Variants in DNAH8 observed in about 807,000 individuals in gnomAD.
The protein encoded by DNAH8 is axonemal beta dynein heavy chain 8.
DNAH8 carries 382 observed loss-of-function variants against 562.1 expected under a neutral mutation model. The observed-to-expected ratio is 0.68, with a 90% CI of 0.63 to 0.74. DNAH8 has a LOEUF of 0.74. Among genes scored for constraint, DNAH8 ranks in the 30% least tolerant of loss-of-function variants. The probability of loss-of-function intolerance (pLI) is 0.00; values close to 1 mark genes in which losing one functional copy is unlikely to be tolerated. For synonymous variants in DNAH8, 1,881 were observed against 1,919.4 expected (o/e 0.98, Z 0.52); for missense variants, 5,203 against 5,620.4 (o/e 0.93, Z 2.37).
In DNAH8 at chr6:38,827,733, C is replaced by CTT. The variant is rs562852660; in HGVS notation, c.4084-414_4084-413dup. Among the ~76,000 whole-genome samples, 121 of 52,244 alleles carry CTT rather than the reference C, an allele frequency of 2.3e-3. 53 individuals are homozygous for CTT. Among genetic ancestry groups the CTT allele is most frequent in the Middle Eastern group, 0.025 (2 of 80 alleles). 34.3% of individuals were successfully genotyped at this position (52,244 alleles called of 152,430 possible). A position where few individuals can be genotyped will look rare whatever the true frequency, so the allele number is the denominator to read the frequency against. On this transcript the variant is annotated intron_variant, in intron 29 of 92. Coordinates refer to ENST00000327475, the MANE Select transcript of DNAH8 (RefSeq NM_001206927.2). ...TGCAAAAGCTTAATTCTTTACCAAA[C>CTT]TTTTTTTTTTTTTTTTTTTTTTTTT... is the stretch of plus-strand genomic sequence containing the variant.
Position 38,723,038 on chromosome 6 carries a change from C to A in DNAH8, c.229C>A (p.His77Asn), listed in dbSNP as rs1357378794. The A allele has an allele frequency of 6.2e-7, 1 of 1,612,878 alleles. No individual in the cohort carries two copies. The highest frequency in any genetic ancestry group is 1.3e-5 in the African/African-American group (1 of 75,046). ...SEEGIVLPDD[H>N]EADLNRVRQR... ...AGAAGGGATAGTTCTTCCAGATGAT[C>A]ATGAAGCGGATCTGAATAGAGTTCG... The change falls in exon 2 of 93, where the codon CAT becomes AAT. Residue 77 changes from histidine to asparagine, a missense_variant. Coordinates refer to ENST00000327475, the MANE Select transcript of DNAH8 (RefSeq NM_001206927.2).
chr6:38,877,458 T>C (rs764807018), intron 53 of DNAH8, among the ~76,000 whole-genome samples: 2 of 152,220 alleles, frequency 1.3e-5, no homozygotes, highest in Non-Finnish European at 2.9e-5. Context: ...TAGACTCATA[T>C]TCCTTCTTCA....
chr6:38,957,422 C>T (rs897834135), intron 82 of DNAH8, among the ~76,000 whole-genome samples: 1 of 151,428 alleles, frequency 6.6e-6, no homozygotes, highest in Non-Finnish European at 1.5e-5. Context: ...GACAAATCAC[C>T]CAGATAGAAA....
chr6:38,938,633 T>A (rs1783174312), intron 78 of DNAH8, among the ~76,000 whole-genome samples, 165 bp from the exon 79 acceptor site: 1 of 152,154 alleles, frequency 6.6e-6, no homozygotes, highest in South Asian at 2.1e-4. Flanking sequence ...GAAAAATAAC[T>A]AATGGGTACT....
intron 18 of DNAH8, among the ~76,000 whole-genome samples, chr6:38,787,656 A>G (rs575653183): frequency 7.2e-6 from 1 of 139,574 alleles, no homozygotes; most frequent in East Asian, 2.2e-4. Flanking sequence ...AGATTGCTCC[A>G]CTGCACTCCA....
At chr6:38,832,844 A>G (rs555220758) in intron 31 of DNAH8, among the ~76,000 whole-genome samples, 1 of 152,008 alleles carries the variant, frequency 6.6e-6, no homozygotes, top group East Asian at 1.9e-4. Context: ...GAAAGAAAAC[A>G]GATTTTACTG....
At chr6:38,903,612 C>CTTTTT (rs756414599) in intron 62 of DNAH8, among the ~76,000 whole-genome samples, 9 of 129,440 alleles carry the variant, frequency 7.0e-5, no homozygotes, top group South Asian at 2.5e-4. Context: ...TTCTTTCTTC[C>CTTTTT]TTTTTTTTTT....
chr6:38,864,013 G>A lies in DNAH8; in HGVS notation c.6451G>A (p.Gly2151Ser), dbSNP rs772446103. Residue 2151 changes from glycine (G) to serine (S), a missense_variant, in exon 45 of 93, where the codon GGT becomes AGT. Coordinates refer to ENST00000327475, the MANE Select transcript of DNAH8 (RefSeq NM_001206927.2). Reference protein sequence around the residue: ...ERKKQFIFSDGDCVDLNPEFG... With the variant: ...ERKKQFIFSDSDCVDLNPEFG... The stretch of plus-strand genomic sequence containing the variant: ...AAAGAAACAGTTCATTTTTTCTGAT[G>A]GTGATTGTGTTGATTTAAATCCAGA... 1 of 1,609,532 alleles carries A rather than the reference G, an allele frequency of 6.2e-7. No homozygotes were observed. The highest frequency in any genetic ancestry group is 1.7e-5 in the Admixed American group (1 of 58,782).
chr6:38,986,383 T>G (rs1428190012), intron 87 of DNAH8, among the ~76,000 whole-genome samples: 2 of 152,160 alleles, frequency 1.3e-5, no homozygotes, highest in Admixed American at 6.5e-5. Flanking sequence ...TATGCATAGT[T>G]CACAAGGATA....
At chr6:38,983,655 G>A (rs1214947533) in intron 86 of DNAH8, among the ~76,000 whole-genome samples, 1 of 152,128 alleles carries the variant, frequency 6.6e-6, no homozygotes. Context: ...GCAATATATT[G>A]CTAGTATAAA....
In DNAH8 at chr6:38,938,819, T is replaced by C; in HGVS notation, c.11838T>C (p.Pro3946=). ...TCAGATCTGAAAAGTCACCACTACC[T>C]CAAAAGAGAATTACAAATATTATCG... is the stretch of plus-strand genomic sequence containing the variant. ...SMARSEKSPL[P]QKRITNIIEY... Residue 3946 remains proline, a synonymous_variant, in exon 79 of 93, where the codon CCT becomes CCC. Coordinates refer to ENST00000327475, the MANE Select transcript of DNAH8 (RefSeq NM_001206927.2). The C allele has an allele frequency of 6.2e-7, 1 of 1,609,664 alleles. No individual in the cohort carries two copies. The highest frequency in any genetic ancestry group is 8.5e-7 in the Non-Finnish European group (1 of 1,177,706).
chr6:38,990,010 A>G lies in DNAH8; in HGVS notation c.13054-2A>G, dbSNP rs1309605209. 6.4e-7 allele frequency: 1 copy of G among 1,561,212 alleles called. No individual in the cohort carries two copies. The highest frequency in any genetic ancestry group is 8.7e-7 in the Non-Finnish European group (1 of 1,145,376). The stretch of plus-strand genomic sequence containing the variant: ...ATTTCTTTTGTTTTCTCTCACATAC[A>G]GGTCTGGTTCAGTGAGAAGATGTTT... On this transcript the variant is annotated splice_acceptor_variant, in intron 87 of 92. Transcript: ENST00000327475. LOFTEE classifies it high-confidence loss of function.
intron 82 of DNAH8, among the ~76,000 whole-genome samples, chr6:38,963,707 TA>T (rs1762788490): frequency 4.3e-5 from 4 of 92,116 alleles, no homozygotes; most frequent in Non-Finnish European, 8.5e-5. Context: ...TTTTTAAATT[TA>T]TTTTTTTATT....
chr6:38,926,104 A>C lies in DNAH8; in HGVS notation c.11012A>C (p.Gln3671Pro). Reference protein sequence around the residue: ...QGLPGDDLSIQNGIIVTKATR... With the variant: ...QGLPGDDLSIPNGIIVTKATR... ...TTACCAGGAGATGATCTCTCAATTC[A>C]GAATGGCATTATTGTGACAAAGGCC... The change falls in exon 74 of 93, where the codon CAG (glutamine) becomes CCG (proline). Residue 3671 changes from glutamine to proline, a missense_variant. Gln to Pro is a moderately conservative substitution (Grantham distance 76). Around this residue, in one of 6 missense-constraint regions of DNAH8, gnomAD observed 1,399 missense variants for 1,518.4 expected, o/e 0.92. Coordinates refer to ENST00000327475, the MANE Select transcript of DNAH8 (RefSeq NM_001206927.2). 1 of 1,613,890 alleles carries C rather than the reference A, an allele frequency of 6.2e-7. No homozygotes were observed. The highest frequency in any genetic ancestry group is 8.5e-7 in the Non-Finnish European group (1 of 1,179,822).
intron 11 of DNAH8, among the ~76,000 whole-genome samples, chr6:38,767,943 A>G (rs531228749): frequency 6.6e-6 from 1 of 152,250 alleles, no homozygotes; most frequent in African/African-American, 2.4e-5. Flanking sequence ...CAATTTCTTC[A>G]TCTCCTTGCC....
At chr6:38,932,216 A>ACACACACACACCC (rs375631180) in intron 76 of DNAH8, among the ~76,000 whole-genome samples, 1 of 145,640 alleles carries the variant, frequency 6.9e-6, no homozygotes, top group African/African-American at 2.7e-5. Context: ...ACACACACAC[A>ACACACACACACCC]CCCGTCTCTT....
At chr6:38,833,773 A>G (rs1774052623) in intron 31 of DNAH8, among the ~76,000 whole-genome samples, 1 of 152,150 alleles carries the variant, frequency 6.6e-6, no homozygotes, top group Non-Finnish European at 1.5e-5. Flanking sequence ...CAATTTATGA[A>G]TTACTGTGTG....
At chr6:39,026,913 A>C (rs531249340) in intron 92 of DNAH8, among the ~76,000 whole-genome samples, 27 of 152,316 alleles carry the variant, frequency 1.8e-4, no homozygotes, top group Non-Finnish European at 3.2e-4. Context: ...TACAAGTTAC[A>C]CTTGTGTTTG....
At chr6:38,855,232 T>G (rs545360071) in intron 41 of DNAH8, among the ~76,000 whole-genome samples, 2 of 152,038 alleles carry the variant, frequency 1.3e-5, no homozygotes, top group Non-Finnish European at 2.9e-5. Context: ...GGATCCTTGC[T>G]GCAAAATTTT....
Sources: gnomAD v4.1 joint callset for allele counts (sites outside exome capture counted in the v4.1 genomes callset) on GRCh38, gnomAD v4.1.1 for gene constraint, gnomAD v4.1.1 regional missense constraint, MANE v1.5 for transcripts, NCBI Gene and HGNC (gene_info 2026-07-23, HGNC 2026-07-21) for gene names.